Variants in COL4A1 observed in about 807,000 individuals in gnomAD.
COL4A1 encodes collagen type IV alpha 1 chain, also known as collagen alpha-1(IV) chain.
Under a neutral mutation model 216.6 loss-of-function variants are expected in COL4A1, and 40 were observed. That is an observed-to-expected ratio of 0.18 (90% CI 0.14 to 0.24). COL4A1 has a LOEUF of 0.24. Ranked by LOEUF, COL4A1 falls within the 10% of genes least tolerant of loss-of-function variation. COL4A1 has a pLI of 1.00. For synonymous variants in COL4A1, 839 were observed against 810.7 expected, an observed-to-expected ratio of 1.03 and a Z score of -0.59; for missense variants, 1,628 against 2,196.8, an observed-to-expected ratio of 0.74 and a Z score of 5.18.
chr13:110,198,094 T>A (rs1353621575), intron 21 of COL4A1, among the ~76,000 whole-genome samples: 1 of 151,612 alleles, frequency 6.6e-6, no homozygotes, highest in Non-Finnish European at 1.5e-5. Flanking sequence ...TGTGTGTGTG[T>A]GTGTGTGTGT....
chr13:110,168,615 G>A (rs1479747917), intron 43 of COL4A1, among the ~76,000 whole-genome samples: 1 of 152,220 alleles, frequency 6.6e-6, no homozygotes, highest in Non-Finnish European at 1.5e-5. Context: ...AGCAAGCTTA[G>A]CTATTCTGTA....
chr13:110,196,748 T>C (rs1422796176), intron 21 of COL4A1, among the ~76,000 whole-genome samples: 1 of 152,228 alleles, frequency 6.6e-6, no homozygotes, highest in East Asian at 1.9e-4. Flanking sequence ...CAGCCACAGA[T>C]GGTTTAGAGC....
intron 1 of COL4A1, chr13:110,305,779 T>A (rs1594132540): frequency 6.6e-6 from 1 of 152,272 alleles, no homozygotes; most frequent in East Asian, 1.9e-4. Context: ...AGGAGACGTG[T>A]GTGTATATCA....
intron 6 of COL4A1, among the ~76,000 whole-genome samples, 163 bp downstream of exon 6, chr13:110,212,254 T>C (rs1034740014): frequency 3.9e-5 from 6 of 152,224 alleles, no homozygotes; most frequent in Non-Finnish European, 8.8e-5. Context: ...ACACTAAATA[T>C]GGGAAAACTG....
At chr13:110,209,519 G>A (rs1279639455) in intron 10 of COL4A1, 92 bp from the exon 11 acceptor site, 9 of 924,624 alleles carry the variant, frequency 9.7e-6, no homozygotes, top group Non-Finnish European at 1.5e-5. Flanking sequence ...AGATTCTCTG[G>A]TCAACATGAT....
intron 2 of COL4A1, among the ~76,000 whole-genome samples, chr13:110,238,722 T>C (rs764133713): frequency 1.3e-5 from 2 of 152,222 alleles, no homozygotes; most frequent in Non-Finnish European, 2.9e-5. Flanking sequence ...ACTATGGTGA[T>C]AGTGTTATGG....
chr13:110,182,364 G>A (rs1878207177), intron 28 of COL4A1, among the ~76,000 whole-genome samples: 1 of 152,172 alleles, frequency 6.6e-6, no homozygotes, highest in Non-Finnish European at 1.5e-5. Flanking sequence ...TGGCTGCGTG[G>A]TGTGTTGTAC....
At chr13:110,219,788 ATGTG>A (rs1476699677) in intron 2 of COL4A1, among the ~76,000 whole-genome samples, 1 of 141,646 alleles carries the variant, frequency 7.1e-6, no homozygotes, top group African/African-American at 2.6e-5. Flanking sequence ...ATGCGTATAT[ATGTG>A]TATATATGTA....
rs753818473 is a variant in COL4A1 at position 110,242,683 on chromosome 13, C to T, written c.136G>A (p.Gly46Arg). Residue 46 changes from glycine (G) to arginine (R), a missense_variant, in exon 2 of 52, where the codon GGA (glycine) becomes AGA (arginine). By Grantham distance (125) the Gly-to-Arg change is moderately radical. Transcript: ENST00000375820. ...CGKCDCHGVK[G>R]QKGERGLPGL... Reference sequence around the variant, plus strand: ...AAATTTCGGCAACTCACCTTTTGTCCCTTCACTCCATGGCAGTCACATTTG... The same window carrying T: ...AAATTTCGGCAACTCACCTTTTGTCTCTTCACTCCATGGCAGTCACATTTG... 21 of 1,614,076 alleles carry T rather than the reference C, an allele frequency of 1.3e-5. No individual in the cohort carries two copies. Among genetic ancestry groups the T allele is most frequent in the African/African-American group, 2.7e-5 (2 of 74,932 alleles).
chr13:110,228,723 G>A (rs915122449), intron 2 of COL4A1, among the ~76,000 whole-genome samples: 2 of 152,206 alleles, frequency 1.3e-5, no homozygotes, highest in African/African-American at 2.4e-5. Flanking sequence ...CCAAAGAAAT[G>A]GCATCTGGTC....
intron 1 of COL4A1, among the ~76,000 whole-genome samples, chr13:110,258,523 G>C (rs552289588): frequency 6.6e-6 from 1 of 152,084 alleles, no homozygotes; most frequent in Non-Finnish European, 1.5e-5. Flanking sequence ...CTGGGTGACA[G>C]AGTGAGACTT....
chr13:110,176,933 C>T lies in COL4A1; in HGVS notation c.2821G>A (p.Val941Met), dbSNP rs1473022981. ...LPGKPGSMDK[V>M]DMGSMKGQKG... ...TGGCCCTTCATGCTGCCCATGTCCA[C>T]CTTATCCATGGAGCCAGGCTTGCCA... The change falls in exon 34 of 52, where the codon GTG (valine) becomes ATG (methionine). Residue 941 changes from valine (V) to methionine (M), a missense_variant. Transcript: ENST00000375820. 1 of 1,614,122 alleles carries T rather than the reference C, an allele frequency of 6.2e-7. No individual in the cohort carries two copies. The highest frequency in any genetic ancestry group is 1.3e-5 in the African/African-American group (1 of 74,930).
chr13:110,294,411 G>T (rs1195068836), intron 1 of COL4A1, among the ~76,000 whole-genome samples: 1 of 152,176 alleles, frequency 6.6e-6, no homozygotes, highest in Admixed American at 6.5e-5. Flanking sequence ...CACATTTGCT[G>T]TCCACAGCCT....
At chr13:110,202,814 T>G (rs182762791) in intron 18 of COL4A1, among the ~76,000 whole-genome samples, 103 of 152,374 alleles carry the variant, frequency 6.8e-4, no homozygotes, top group African/African-American at 2.1e-3. Context: ...TGACCAGTAG[T>G]AAAATGTTAT....
chr13:110,235,504 A>C (rs1282353560), intron 2 of COL4A1, among the ~76,000 whole-genome samples: 1 of 152,012 alleles, frequency 6.6e-6, no homozygotes. Context: ...CAAAAAAATT[A>C]GCCTGGCATG....
chr13:110,273,271 C>T (rs1431676637), intron 1 of COL4A1, among the ~76,000 whole-genome samples: 4 of 152,128 alleles, frequency 2.6e-5, no homozygotes, highest in Admixed American at 6.5e-5. Context: ...CCTGCTAACG[C>T]GGGATGTATA....
chr13:110,240,609 T>C (rs906343064), intron 2 of COL4A1, among the ~76,000 whole-genome samples: 1 of 152,248 alleles, frequency 6.6e-6, no homozygotes, highest in East Asian at 1.9e-4. Context: ...GGCTCCTCCT[T>C]GGGCAATGTT....
At chr13:110,183,904 G>C (rs1448878464) in intron 26 of COL4A1, among the ~76,000 whole-genome samples, 1 of 152,204 alleles carries the variant, frequency 6.6e-6, no homozygotes, top group African/African-American at 2.4e-5. Flanking sequence ...TCGCTGTTAA[G>C]AAAGGACCAA....
chr13:110,284,394 C>T (rs574898458), intron 1 of COL4A1, among the ~76,000 whole-genome samples: 5 of 152,222 alleles, frequency 3.3e-5, no homozygotes, highest in Non-Finnish European at 7.4e-5. Flanking sequence ...GAGGCATAAT[C>T]CCGAAATCAG....
Sources: allele counts gnomAD v4.1 joint callset (sites outside exome capture counted in the v4.1 genomes callset), GRCh38; gene constraint gnomAD v4.1.1; transcripts MANE v1.5; gene names NCBI Gene and HGNC (gene_info 2026-07-23, HGNC 2026-07-21).